The following GPS2 variants were observed in gnomAD, a reference collection of about 807,000 sequenced individuals.
GPS2 encodes GPS-2.
A neutral mutation model predicts 48.1 loss-of-function variants in GPS2; 22 were observed. That is an observed-to-expected ratio of 0.46 (90% CI 0.33 to 0.65). GPS2 has a LOEUF of 0.65. Among genes scored for constraint, GPS2 ranks in the 30% least tolerant of loss-of-function variants. GPS2 has a pLI of 0.03. For missense variants in GPS2, 366 were observed against 406.8 expected, an observed-to-expected ratio of 0.90 and a Z score of 0.86; for synonymous variants, 202 against 142.5, an observed-to-expected ratio of 1.42 and a Z score of -2.98.
In GPS2 at chr17:7,315,127, G is replaced by T. The variant is rs967336126; in HGVS notation, c.-67-8C>A. 3.3e-6 allele frequency: 4 copies of T among 1,216,972 alleles called. No homozygotes were observed. The highest frequency in any genetic ancestry group is 3.3e-6 in the Non-Finnish European group (3 of 909,898). The allele number at this position is 1,216,972 out of a possible 1,614,324, so 75.4% of individuals were successfully genotyped here. A position where few individuals can be genotyped will look rare whatever the true frequency, so the allele number is the denominator to read the frequency against. On this transcript the variant is annotated splice_polypyrimidine_tract_variant and splice_region_variant and intron_variant, in intron 1 of 10. Coordinates refer to ENST00000380728, the MANE Select transcript of GPS2 (RefSeq NM_004489.5). ...CCAGACCTCAGACGGGGCCTGCGGG[G>T]AGGCGGGCGCTCAGAGGGGGCCGCG...
Position 7,313,196 on chromosome 17 carries a change from A to G in GPS2, c.804+16T>C, listed in dbSNP as rs768201125. On this transcript the variant is annotated intron_variant, in intron 9 of 10. Transcript: ENST00000380728. ...AACATATCCCTAACCCTGACCTCCCAAGGTGCCATACTCACTGAGTCGGAG... is the reference window on the plus strand; with the variant it reads ...AACATATCCCTAACCCTGACCTCCCGAGGTGCCATACTCACTGAGTCGGAG... The G allele has an allele frequency of 2.5e-6, 4 of 1,613,266 alleles. No homozygotes were observed. The highest frequency in any genetic ancestry group is 2.5e-6 in the Non-Finnish European group (3 of 1,179,214).
At position 7,312,680 on chromosome 17, in the gene GPS2, T is replaced by C; in HGVS notation, c.*76A>G. On this transcript the variant is annotated 3_prime_UTR_variant, in exon 11 of 11. Transcript: ENST00000380728. ...CAGGGGCAGTGGCAGGTAGATTTTA[T>C]TGGCCTGGGACACACAGGGGATACC... 1 of 1,169,504 alleles carries C rather than the reference T, an allele frequency of 8.6e-7. No individual in the cohort carries two copies. The allele number at this position is 1,169,504 out of a possible 1,614,324, so 72.4% of individuals were successfully genotyped here.
At chr17:7,314,014 T>C (rs1377149118) in intron 5 of GPS2, 26 bp from the exon 6 acceptor site, 1 of 1,612,102 alleles carries the variant, frequency 6.2e-7, no homozygotes, top group Middle Eastern at 1.6e-4. Context: ...GGCTTCATGA[T>C]GCTGAAATGG....
In GPS2 at chr17:7,313,568, C is replaced by T. The variant is rs984874006; in HGVS notation, c.634G>A (p.Ala212Thr). Residue 212 changes from alanine (A) to threonine (T), a missense_variant and splice_region_variant, in exon 7 of 11, where the codon GCT (alanine) becomes ACT (threonine). Ala to Thr is a moderately conservative substitution (Grantham distance 58). Around this residue, in one of 3 missense-constraint regions of GPS2, gnomAD observed 275 missense variants for 282.3 expected, o/e 0.97. Transcript: ENST00000380728. ...PAYSPSQQLR[A>T]PSAFPAVQYL... ...AAGCCCCATCCCTCCTATTACTCAC[C>T]TCTGAGCTGCTGACTAGGACTATAA... 6.2e-7 allele frequency: 1 copy of T among 1,613,904 alleles called. No individual in the cohort carries two copies.
intron 4 of GPS2, 62 bp downstream of exon 4, chr17:7,314,229 T>C (rs1455283658): frequency 4.3e-5 from 69 of 1,592,244 alleles, no homozygotes; most frequent in Non-Finnish European, 5.6e-5. Flanking sequence ...ACACTGGTTC[T>C]TTTACTACCT....
At position 7,312,756 on chromosome 17, in the gene GPS2, T is replaced by C; in HGVS notation, c.984A>G (p.Ter328TrpextTer?). 3 of 1,612,270 alleles carry C rather than the reference T, an allele frequency of 1.9e-6. No individual in the cohort carries two copies. Among genetic ancestry groups the C allele is most frequent in the Non-Finnish European group, 2.5e-6 (3 of 1,178,376 alleles). ...TGGTGTTGAAGATATAATCTGATGGTCACTTGTGGTAGAATCGCGGGTTCT... is the reference window on the plus strand; with the variant it reads ...TGGTGTTGAAGATATAATCTGATGGCCACTTGTGGTAGAATCGCGGGTTCT... ...HSQNPRFYHK[*>W] The change falls in exon 11 of 11, where the codon TGA (stop) becomes TGG (tryptophan). Residue 328 changes from the stop codon to tryptophan (W), a stop_lost. Coordinates refer to ENST00000380728, the MANE Select transcript of GPS2 (RefSeq NM_004489.5).
intron 2 of GPS2, 57 bp downstream of exon 2, chr17:7,314,902 C>G: frequency 1.3e-6 from 2 of 1,535,944 alleles, no homozygotes; most frequent in Non-Finnish European, 1.8e-6. Flanking sequence ...TGAGGCCAGC[C>G]TTGAGGTACA....
intron 10 of GPS2, 39 bp downstream of exon 10, chr17:7,312,990 G>GT: frequency 6.8e-7 from 1 of 1,479,318 alleles, no homozygotes; most frequent in Non-Finnish European, 9.3e-7. Context: ...GATCCCTAGT[G>GT]TAGGGATTCT....
intron 5 of GPS2, 41 bp from the exon 6 acceptor site, chr17:7,314,029 C>G: frequency 6.2e-7 from 1 of 1,604,784 alleles, no homozygotes; most frequent in Non-Finnish European, 8.5e-7. Context: ...AAATGGGAGG[C>G]TGTGACCTCC....
chr17:7,313,279 G>C lies in GPS2; in HGVS notation c.737C>G (p.Pro246Arg). 1 of 1,614,134 alleles carries C rather than the reference G, an allele frequency of 6.2e-7. No homozygotes were observed. The highest frequency in any genetic ancestry group is 8.5e-7 in the Non-Finnish European group (1 of 1,179,956). The change falls in exon 9 of 11, where the codon CCT becomes CGT. Residue 246 changes from proline to arginine, a missense_variant. Pro to Arg is a moderately radical substitution (Grantham distance 103, BLOSUM62 -2). Transcript: ENST00000380728. ...FQPTQTGFLQ[P>R]GGALSLQKQM... ...CTTTTGCAAGGACAGGGCACCACCA[G>C]GCTGGAGGAAACCTAGGTGGGGAAG...
chr17:7,314,236 A>G, intron 4 of GPS2, 55 bp downstream of exon 4: 23 of 1,590,756 alleles, frequency 1.4e-5, no homozygotes, highest in Non-Finnish European at 2.0e-5. Context: ...TTCTTTTACT[A>G]CCTGATCCCA....
intron 7 of GPS2, 36 bp downstream of exon 7, chr17:7,313,527 GACCTT>G: frequency 6.2e-7 from 1 of 1,613,252 alleles, no homozygotes; most frequent in Middle Eastern, 1.7e-4. Flanking sequence ...TTCCTCCTTT[GACCTT>G]GAGGAAGGCC....
In GPS2 at chr17:7,314,808, A is replaced by C. The variant is rs1252181164; in HGVS notation, c.94+151T>G. ...CATCTCAAGGGTTCTGGAGCGTGGA[A>C]CAGGACGCTTAAATCCCACCACAAC... is the stretch of plus-strand genomic sequence containing the variant. On this transcript the variant is annotated intron_variant, in intron 2 of 10. Transcript: ENST00000380728. 28 of 1,274,368 alleles carry C rather than the reference A, an allele frequency of 2.2e-5. No homozygotes were observed. The East Asian group carries it at 6.3e-4, about 29-fold the overall frequency. 78.9% of individuals were successfully genotyped at this position (1,274,368 alleles called of 1,614,324 possible).
rs767237004 is a variant in GPS2 at position 7,313,718 on chromosome 17, G to T, written c.484C>A (p.Arg162=). 6.2e-7 allele frequency: 1 copy of T among 1,613,738 alleles called. No individual in the cohort carries two copies. The highest frequency in any genetic ancestry group is 8.5e-7 in the Non-Finnish European group (1 of 1,179,816). The part of the protein sequence containing the change: ...QMFGPQVLTT[R]HYVGSAAAFA... ...GCAGCTGCTGAGCCCACGTAGTGCC[G>T]GGTCTAAGGAAGGAGAATGAGAACT... The change falls in exon 7 of 11, where the codon CGG becomes AGG. Residue 162 remains arginine, a synonymous_variant. Transcript: ENST00000380728.
chr17:7,313,815 T>G, intron 6 of GPS2, 91 bp downstream of exon 6: 3 of 1,572,362 alleles, frequency 1.9e-6, no homozygotes, highest in South Asian at 2.2e-5. Flanking sequence ...CCCCCTAAAC[T>G]TAAGTGCTTG....
At chr17:7,314,238 C>T (rs2072906921) in intron 4 of GPS2, 53 bp downstream of exon 4, 2 of 1,592,792 alleles carry the variant, frequency 1.3e-6, no homozygotes, top group South Asian at 2.2e-5. Context: ...CTTTTACTAC[C>T]TGATCCCAGT....
chr17:7,314,782 C>G (rs1034665322), intron 2 of GPS2, 177 bp downstream of exon 2: 1 of 1,308,130 alleles, frequency 7.6e-7, no homozygotes. Context: ...AAGGTCCTTC[C>G]CATCTCAAGG....
Position 7,312,762 on chromosome 17 carries a change from G to A in GPS2, c.978C>T (p.His326=), listed in dbSNP as rs376284181. 1 of 1,613,142 alleles carries A rather than the reference G, an allele frequency of 6.2e-7. No individual in the cohort carries two copies. The highest frequency in any genetic ancestry group is 8.5e-7 in the Non-Finnish European group (1 of 1,179,106). Residue 326 remains histidine, a synonymous_variant, in exon 11 of 11, where the codon CAC becomes CAT. Transcript: ENST00000380728. ...IQHSQNPRFY[H]K ...TGAAGATATAATCTGATGGTCACTT[G>A]TGGTAGAATCGCGGGTTCTGGCTGT...
Position 7,314,552 on chromosome 17 carries a change from TCTTC to T in GPS2, c.136_139del (p.Glu46AsnfsTer16). The T allele has an allele frequency of 1.9e-6, 3 of 1,613,722 alleles. No individual in the cohort carries two copies. The highest frequency in any genetic ancestry group is 2.5e-6 in the Non-Finnish European group (3 of 1,179,556). On this transcript the variant is annotated frameshift_variant, in exon 3 of 11. Transcript: ENST00000380728. LOFTEE classifies it high-confidence loss of function. ...CTCCTTTTTCTTCCTTCTCTCCTGT[TCTTC>T]CTTCATCTTCTGTTCCATCATCTTA...
Sources: gnomAD v4.1 joint callset for allele counts on GRCh38, gnomAD v4.1.1 for gene constraint, gnomAD v4.1.1 regional missense constraint, MANE v1.5 for transcripts, NCBI Gene and HGNC (gene_info 2026-07-23, HGNC 2026-07-21) for gene names.